RYR3: variants seen among roughly 807,000 people sequenced by gnomAD.
RYR3 encodes the protein ryanodine receptor 3, also known as brain ryanodine receptor-calcium release channel.
In RYR3, 207 loss-of-function variants were observed where a neutral mutation model predicts 584.3. The observed-to-expected ratio is 0.35, with a 90% confidence interval of 0.32 to 0.40. The LOEUF (loss-of-function observed/expected upper bound fraction) is 0.40, where lower values mean the gene tolerates loss of function less well. Ranked by LOEUF, RYR3 falls within the 10% of genes least tolerant of loss-of-function variation. The probability of loss-of-function intolerance (pLI) is 1.00; values close to 1 mark genes in which losing one functional copy is unlikely to be tolerated. For missense variants in RYR3, 5,616 were observed against 6,089.2 expected (o/e 0.92, Z 2.59); for synonymous variants, 2,416 against 2,248.5 (o/e 1.07, Z -2.11).
Position 33,700,973 on chromosome 15 carries a change from T to C in RYR3, c.6380-4T>C, listed in dbSNP as rs1195398366. The C allele has an allele frequency of 8.1e-6, 13 of 1,609,598 alleles. No individual in the cohort carries two copies. The highest frequency in any genetic ancestry group is 1.1e-5 in the Non-Finnish European group (13 of 1,177,050). Reference sequence around the variant, plus strand: ...TTCTTGCTAATTCTCCCCTCCTCCCTCAGCCTCCCCGTCGATGAGGGGATC... The same window carrying C: ...TTCTTGCTAATTCTCCCCTCCTCCCCCAGCCTCCCCGTCGATGAGGGGATC... On this transcript the variant is annotated splice_polypyrimidine_tract_variant and splice_region_variant and intron_variant, in intron 41 of 103. Transcript: ENST00000634891.
At chr15:33,617,752 C>G (rs1034852609) in intron 19 of RYR3, among the ~76,000 whole-genome samples, 1 of 128,878 alleles carries the variant, frequency 7.8e-6, no homozygotes, top group African/African-American at 3.0e-5. Context: ...GATGTCCCTG[C>G]CAGCCGTCAT....
At position 33,329,604 on chromosome 15, in the gene RYR3, A is replaced by G. The variant is rs550655319; in HGVS notation, c.51+18508A>G. Among the ~76,000 whole-genome samples, 21 of 152,332 alleles carry G rather than the reference A, an allele frequency of 1.4e-4. No homozygotes were observed. In the South Asian group the frequency reaches 4.1e-3, roughly 30 times the overall value. ...TCTTTGTCGAAAGAACTGGAACACA[A>G]TATGTACTGGAAGCTGGAGCTATGT... On this transcript the variant is annotated intron_variant, in intron 1 of 103. Coordinates refer to ENST00000634891, the MANE Select transcript of RYR3 (RefSeq NM_001036.6).
intron 8 of RYR3, among the ~76,000 whole-genome samples, chr15:33,546,237 G>A (rs548715108): frequency 1.3e-5 from 2 of 152,274 alleles, no homozygotes; most frequent in South Asian, 4.1e-4. Flanking sequence ...CTCCAGCGCT[G>A]TTTCACCTGT....
Position 33,834,994 on chromosome 15 carries a change from C to G in RYR3, c.11490C>G (p.Ser3830Arg). The G allele has an allele frequency of 6.2e-7, 1 of 1,613,922 alleles. No individual in the cohort carries two copies. The highest frequency in any genetic ancestry group is 8.5e-7 in the Non-Finnish European group (1 of 1,179,852). The change falls in exon 87 of 104, where the codon AGC becomes AGG. Residue 3830 changes from serine (S) to arginine (R), a missense_variant. Physicochemically the swap from Ser to Arg is moderately radical, Grantham distance 110. Coordinates refer to ENST00000634891, the MANE Select transcript of RYR3 (RefSeq NM_001036.6). ...GCCCTTGCATTGGTAATCAACAGAG[C>G]CTGGCTCACAGCAGGCTGTGGGACG... ...IQGPCIGNQQSLAHSRLWDAV... is the reference protein window; with the variant it reads ...IQGPCIGNQQRLAHSRLWDAV...
chr15:33,383,883 G>T (rs977187515), intron 1 of RYR3, among the ~76,000 whole-genome samples: 1 of 152,172 alleles, frequency 6.6e-6, no homozygotes, highest in African/African-American at 2.4e-5. Context: ...ACAGTGGACT[G>T]GATAAAGAAA....
chr15:33,474,535 A>C (rs868868698), intron 2 of RYR3, among the ~76,000 whole-genome samples: 1 of 152,316 alleles, frequency 6.6e-6, no homozygotes, highest in South Asian at 2.1e-4. Context: ...CTTTTCTTAA[A>C]GTTAACTGAC....
At chr15:33,690,166 A>G (rs1297302035) in intron 38 of RYR3, among the ~76,000 whole-genome samples, 2 of 152,200 alleles carry the variant, frequency 1.3e-5, no homozygotes, top group Non-Finnish European at 2.9e-5. Flanking sequence ...GGGGACAAAG[A>G]GTTAAGTGCC....
chr15:33,840,923 T>A (rs1439146576), intron 90 of RYR3, 40 bp downstream of exon 90: 2 of 1,591,888 alleles, frequency 1.3e-6, no homozygotes, highest in Non-Finnish European at 1.7e-6. Flanking sequence ...ATTGCTATGG[T>A]AGATAATTCT....
chr15:33,857,304 T>C (rs1013211679), intron 98 of RYR3, among the ~76,000 whole-genome samples: 1 of 152,072 alleles, frequency 6.6e-6, no homozygotes, highest in Non-Finnish European at 1.5e-5. Flanking sequence ...CAGCACCCTC[T>C]CGCTGCCGCT....
chr15:33,393,226 G>A (rs755081679), intron 1 of RYR3, among the ~76,000 whole-genome samples: 11 of 152,360 alleles, frequency 7.2e-5, no homozygotes, highest in Non-Finnish European at 1.3e-4. Context: ...GCTGACTTGA[G>A]TTAAATGAGG....
At chr15:33,715,063 G>C (rs2067396639) in intron 43 of RYR3, among the ~76,000 whole-genome samples, 1 of 152,182 alleles carries the variant, frequency 6.6e-6, no homozygotes, top group South Asian at 2.1e-4. Flanking sequence ...TGAAATAAAT[G>C]GATATAGTTT....
At chr15:33,774,286 A>G (rs150944468) in intron 64 of RYR3, among the ~76,000 whole-genome samples, 1 of 152,346 alleles carries the variant, frequency 6.6e-6, no homozygotes, top group Admixed American at 6.5e-5. Flanking sequence ...GATAAACAGT[A>G]TTAACAAAAC....
At chr15:33,481,214 T>G (rs887446796) in intron 2 of RYR3, among the ~76,000 whole-genome samples, 1 of 152,216 alleles carries the variant, frequency 6.6e-6, no homozygotes, top group African/African-American at 2.4e-5. Flanking sequence ...ATTTAAAATG[T>G]ATCCCTTATA....
chr15:33,550,248 G>C lies in RYR3; in HGVS notation c.904G>C (p.Gly302Arg). ...GHYLALTEDQ[G>R]LILQDRAKSD... Reference sequence around the variant, plus strand: ...CTACCTGGCCTTGACAGAAGACCAAGGCCTTATACTGCAAGACCGGGCAAA... The same window carrying C: ...CTACCTGGCCTTGACAGAAGACCAACGCCTTATACTGCAAGACCGGGCAAA... Residue 302 changes from glycine (G) to arginine (R), a missense_variant, in exon 10 of 104, where the codon GGC (glycine) becomes CGC (arginine). Physicochemically the swap from Gly to Arg is moderately radical, Grantham distance 125. Coordinates refer to ENST00000634891, the MANE Select transcript of RYR3 (RefSeq NM_001036.6). 1 of 1,613,742 alleles carries C rather than the reference G, an allele frequency of 6.2e-7. No individual in the cohort carries two copies. Among genetic ancestry groups the C allele is most frequent in the Non-Finnish European group, 8.5e-7 (1 of 1,179,798 alleles).
intron 67 of RYR3, among the ~76,000 whole-genome samples, chr15:33,795,314 T>C (rs1269532116): frequency 6.6e-6 from 1 of 151,662 alleles, no homozygotes; most frequent in Non-Finnish European, 1.5e-5. Flanking sequence ...GGGGGACACA[T>C]AAGTGCTTCG....
chr15:33,462,226 A>G (rs2048096663), intron 1 of RYR3, among the ~76,000 whole-genome samples: 1 of 152,206 alleles, frequency 6.6e-6, no homozygotes, highest in Non-Finnish European at 1.5e-5. Flanking sequence ...CCTGGTTATT[A>G]GATTTTGTAT....
intron 1 of RYR3, among the ~76,000 whole-genome samples, chr15:33,466,445 G>A (rs1267628102): frequency 6.6e-6 from 1 of 152,198 alleles, no homozygotes; most frequent in Non-Finnish European, 1.5e-5. Flanking sequence ...GTAAGAAACT[G>A]GAGATGGGTA....
At chr15:33,339,677 C>T (rs1261358243) in intron 1 of RYR3, among the ~76,000 whole-genome samples, 1 of 152,238 alleles carries the variant, frequency 6.6e-6, no homozygotes, top group East Asian at 1.9e-4. Flanking sequence ...ATCACGAGGT[C>T]AGGAGATCCA....
chr15:33,397,097 T>C (rs1022621540), intron 1 of RYR3, among the ~76,000 whole-genome samples: 3 of 152,176 alleles, frequency 2.0e-5, no homozygotes, highest in African/African-American at 7.2e-5. Flanking sequence ...AAAATTACAA[T>C]GTATAAATTT....
Sources: allele counts gnomAD v4.1 joint callset (sites outside exome capture counted in the v4.1 genomes callset), GRCh38; gene constraint gnomAD v4.1.1; transcripts MANE v1.5; gene names NCBI Gene and HGNC (gene_info 2026-07-23, HGNC 2026-07-21).